The following ANG variants were observed in gnomAD, a reference collection of about 807,000 sequenced individuals.
The protein encoded by ANG is angiogenin.
For synonymous variants in ANG, 74 were observed against 73.8 expected (o/e 1.00, Z -0.02); for missense variants, 178 against 187.4 (o/e 0.95, Z 0.29).
At chr14:20,687,824 C>G (rs1441372883), upstream of ANG, among the ~76,000 whole-genome samples, 2 of 152,202 alleles carry the variant, frequency 1.3e-5, no homozygotes, top group Non-Finnish European at 2.9e-5. Context: ...GACACCTTCT[C>G]AAGTGCAGCC....
At position 20,693,831 on chromosome 14, in the gene ANG, C is replaced by T. The variant is rs1886953172; in HGVS notation, c.267C>T (p.His89=). 8 of 1,614,226 alleles carry T rather than the reference C, an allele frequency of 5.0e-6. No homozygotes were observed. Among genetic ancestry groups the T allele is most frequent in the Non-Finnish European group, 6.8e-6 (8 of 1,180,034 alleles). Residue 89 remains histidine, a synonymous_variant, in exon 2 of 2, where the codon CAC becomes CAT. Coordinates refer to ENST00000397990, the MANE Select transcript of ANG (RefSeq NM_001097577.3). ...AICENKNGNP[H]RENLRISKSS... ...GTGAAAACAAGAATGGAAACCCTCACAGAGAAAACCTAAGAATAAGCAAGT... is the reference window on the plus strand; with the variant it reads ...GTGAAAACAAGAATGGAAACCCTCATAGAGAAAACCTAAGAATAAGCAAGT...
chr14:20,688,719 A>G, upstream of ANG: 2 of 985,232 alleles, frequency 2.0e-6, no homozygotes, highest in South Asian at 4.7e-5. Flanking sequence ...TGTCCCTGCC[A>G]GGACTGGGAC....
At chr14:20,688,922 C>A in intron 1 of ANG, 48 bp downstream of exon 1, 1 of 943,490 alleles carries the variant, frequency 1.1e-6, no homozygotes, top group Non-Finnish European at 1.3e-6. Flanking sequence ...AGCCATCCAT[C>A]CATTTTAATG....
rs530263454 is a variant in ANG, at chr14:20,693,285, T to C, written c.-18-262T>C. Among the ~76,000 whole-genome samples the C allele has an allele frequency of 1.6e-3, 251 of 152,350 alleles. 1 individual carries two copies. Among genetic ancestry groups the C allele is most frequent in the African/African-American group, 5.7e-3 (236 of 41,580 alleles). On this transcript the variant is annotated intron_variant, in intron 1 of 1. Transcript: ENST00000397990. ...GTGGATTTTGTAATGTTACGACTGA[T>C]AGAGAAATACTCAGTGATTCTAAGG...
At position 20,694,104 on chromosome 14, in the gene ANG, C is replaced by T. The variant is rs1886982213; in HGVS notation, c.*96C>T. ...TGGTGGCAACATTCATTGCCAAGGGCCCAAAGAAAGAGCTACCTGGACCTT... is the reference window on the plus strand; with the variant it reads ...TGGTGGCAACATTCATTGCCAAGGGTCCAAAGAAAGAGCTACCTGGACCTT... On this transcript the variant is annotated 3_prime_UTR_variant, in exon 2 of 2. Transcript: ENST00000397990. 5 of 1,420,516 alleles carry T rather than the reference C, an allele frequency of 3.5e-6. No individual in the cohort carries two copies. The highest frequency in any genetic ancestry group is 5.0e-6 in the Non-Finnish European group (5 of 1,004,816). The allele number at this position is 1,420,516 out of a possible 1,614,324, so 88.0% of individuals were successfully genotyped here. A position where few individuals can be genotyped will look rare whatever the true frequency, so the allele number is the denominator to read the frequency against.
At chr14:20,689,518 T>G (rs1484910540) in intron 1 of ANG, among the ~76,000 whole-genome samples, 1 of 152,304 alleles carries the variant, frequency 6.6e-6, no homozygotes, top group East Asian at 1.9e-4. Flanking sequence ...GTGTGTAAAA[T>G]TTGATGAATC....
intron 1 of ANG, among the ~76,000 whole-genome samples, chr14:20,690,259 GA>G (rs1333025760): frequency 7.6e-6 from 1 of 131,270 alleles, no homozygotes; most frequent in Non-Finnish European, 1.7e-5. Flanking sequence ...GAAAAGAAAA[GA>G]AAAAAAGGAC....
At chr14:20,692,397 C>G (rs913232218) in intron 1 of ANG, among the ~76,000 whole-genome samples, 1 of 152,222 alleles carries the variant, frequency 6.6e-6, no homozygotes, top group East Asian at 1.9e-4. Context: ...TAGCTAGAAG[C>G]CTGTCGTAAA....
chr14:20,689,169 C>T (rs1036172040), intron 1 of ANG, among the ~76,000 whole-genome samples: 1 of 152,158 alleles, frequency 6.6e-6, no homozygotes, highest in Non-Finnish European at 1.5e-5. Flanking sequence ...AGTCCTCCCC[C>T]GTCGTCCACC....
upstream of ANG, among the ~76,000 whole-genome samples, chr14:20,686,949 G>A (rs10220701): frequency 0.11 from 16,663 of 152,192 alleles, 929 homozygotes; most frequent in Middle Eastern, 0.13. Context: ...AACAGGACCC[G>A]TGCATCCCGT....
At chr14:20,687,504 T>G (rs185934609), upstream of ANG, among the ~76,000 whole-genome samples, 116 of 152,346 alleles carry the variant, frequency 7.6e-4, no homozygotes, top group African/African-American at 2.5e-3. Context: ...ATGGGTTGTA[T>G]GCTGTGGCAG....
At chr14:20,688,946 C>A in intron 1 of ANG, 72 bp downstream of exon 1, 1 of 760,234 alleles carries the variant, frequency 1.3e-6, no homozygotes, top group South Asian at 6.0e-5. Context: ...CCATTTTCCT[C>A]CCTTTAAAGC....
At chr14:20,687,121 G>A (rs556481517), upstream of ANG, among the ~76,000 whole-genome samples, 3 of 152,328 alleles carry the variant, frequency 2.0e-5, no homozygotes, top group Non-Finnish European at 4.4e-5. Context: ...TGACAAAGAT[G>A]TGATGTTCCT....
At chr14:20,689,190 G>T (rs1886569434) in intron 1 of ANG, among the ~76,000 whole-genome samples, 1 of 152,182 alleles carries the variant, frequency 6.6e-6, no homozygotes, top group African/African-American at 2.4e-5. Flanking sequence ...CCTGTTACAG[G>T]CATTACACGT....
At chr14:20,689,389 C>G (rs965947645) in intron 1 of ANG, among the ~76,000 whole-genome samples, 2 of 152,128 alleles carry the variant, frequency 1.3e-5, no homozygotes, top group African/African-American at 2.4e-5. Context: ...ATGAATATGC[C>G]TTGGGTGTTA....
At chr14:20,686,600 G>T (rs1198506252), upstream of ANG, among the ~76,000 whole-genome samples, 2 of 152,220 alleles carry the variant, frequency 1.3e-5, no homozygotes, top group Admixed American at 6.5e-5. Context: ...TGGGCACAAA[G>T]CCCAGAGTTG....
intron 1 of ANG, among the ~76,000 whole-genome samples, chr14:20,690,048 T>C (rs1248616164): frequency 6.8e-6 from 1 of 146,280 alleles, no homozygotes; most frequent in Non-Finnish European, 1.5e-5. Flanking sequence ...ACCCCGTCTC[T>C]ACTAAAAATA....
At position 20,693,540 on chromosome 14, in the gene ANG, T is replaced by G; in HGVS notation, c.-18-7T>G. 6.2e-7 allele frequency: 1 copy of G among 1,610,006 alleles called. No homozygotes were observed. Among genetic ancestry groups the G allele is most frequent in the Non-Finnish European group, 8.5e-7 (1 of 1,179,990 alleles). On this transcript the variant is annotated splice_region_variant and splice_polypyrimidine_tract_variant and intron_variant, in intron 1 of 1. Transcript: ENST00000397990. ...GGGTCTACCACACCTCCTTTTGCCC[T>G]CCGCAGGAGCCTGTGTTGGAAGAGA...
At chr14:20,685,131 GT>G (rs1886363747), upstream of ANG, among the ~76,000 whole-genome samples, 1 of 152,152 alleles carries the variant, frequency 6.6e-6, no homozygotes, top group Non-Finnish European at 1.5e-5. Context: ...GCAGGCCTTA[GT>G]TTTTTGCAAG....
Sources: gnomAD v4.1 joint callset for allele counts (sites outside exome capture counted in the v4.1 genomes callset) on GRCh38, gnomAD v4.1.1 for gene constraint, MANE v1.5 for transcripts, NCBI Gene and HGNC (gene_info 2026-07-23, HGNC 2026-07-21) for gene names.